The following FHIT variants were observed in gnomAD, a reference collection of about 807,000 sequenced individuals.
The protein encoded by FHIT is bis(5'-adenosyl)-triphosphatase.
Under a neutral mutation model 17.9 loss-of-function variants are expected in FHIT, and 19 were observed. That is an observed-to-expected ratio of 1.06 (90% confidence interval 0.74 to 1.56). The LOEUF (loss-of-function observed/expected upper bound fraction) is 1.56, where lower values mean the gene tolerates loss of function less well. FHIT is among the 40% of genes most tolerant of loss of function. The probability of loss-of-function intolerance (pLI) is 0.00; values close to 1 mark genes in which losing one functional copy is unlikely to be tolerated. For missense variants in FHIT, 248 were observed against 189.2 expected (o/e 1.31, Z -1.82); for synonymous variants, 81 against 69.7 (o/e 1.16, Z -0.81).
intron 2 of FHIT, among the ~76,000 whole-genome samples, chr3:61,121,128 C>A (rs2106922061): frequency 6.6e-6 from 1 of 152,156 alleles, no homozygotes; most frequent in Non-Finnish European, 1.5e-5. Flanking sequence ...ATTGGTGTAC[C>A]TGAAAGTGAC....
chr3:60,979,523 C>T (rs1011546103), intron 3 of FHIT, among the ~76,000 whole-genome samples: 2 of 152,164 alleles, frequency 1.3e-5, no homozygotes, highest in South Asian at 2.1e-4. Context: ...ACATTAGCTG[C>T]CATGTCCTAC....
At position 60,017,334 on chromosome 3, in the gene FHIT, G is replaced by A. The variant is rs1700380692; in HGVS notation, c.104-3182C>T. On this transcript the variant is annotated intron_variant, in intron 5 of 9. Coordinates refer to ENST00000492590, the MANE Select transcript of FHIT (RefSeq NM_002012.4). ...GTGAGTATGCCTTCATCCTAACAGAGAATCGTAAGATCAAAAAGGGGGGAG... is the reference window on the plus strand; with the variant it reads ...GTGAGTATGCCTTCATCCTAACAGAAAATCGTAAGATCAAAAAGGGGGGAG... Among the ~76,000 whole-genome samples, 3 of 152,128 alleles carry A rather than the reference G, an allele frequency of 2.0e-5. No homozygotes were observed. In the South Asian group the frequency reaches 6.2e-4, roughly 31 times the overall value.
intron 7 of FHIT, among the ~76,000 whole-genome samples, chr3:59,942,046 G>T (rs1416919377): frequency 6.6e-6 from 1 of 152,086 alleles, no homozygotes; most frequent in African/African-American, 2.4e-5. Context: ...ATCATCTCAC[G>T]ATCTATAGTA....
intron 8 of FHIT, among the ~76,000 whole-genome samples, chr3:59,791,344 A>C (rs1218643332): frequency 6.6e-6 from 1 of 152,150 alleles, no homozygotes; most frequent in African/African-American, 2.4e-5. Context: ...GGGGAAACCC[A>C]CAATCTTTCT....
chr3:60,427,172 G>A (rs867307016), intron 5 of FHIT, among the ~76,000 whole-genome samples: 1 of 152,104 alleles, frequency 6.6e-6, no homozygotes, highest in South Asian at 2.1e-4. Flanking sequence ...GGCCATGAAG[G>A]AGAAAGCTCT....
intron 5 of FHIT, among the ~76,000 whole-genome samples, chr3:60,034,559 A>G (rs1701136080): frequency 6.6e-6 from 1 of 152,226 alleles, no homozygotes; most frequent in African/African-American, 2.4e-5. Context: ...CTTCGTCAAC[A>G]TGTTTCAGAA....
chr3:61,005,699 T>C (rs2031400191), intron 3 of FHIT, among the ~76,000 whole-genome samples: 1 of 152,028 alleles, frequency 6.6e-6, no homozygotes, highest in Non-Finnish European at 1.5e-5. Flanking sequence ...TGAATTTCGG[T>C]TTCCCTGTGT....
chr3:59,781,292 A>G (rs1320629462), intron 8 of FHIT, among the ~76,000 whole-genome samples: 1 of 152,246 alleles, frequency 6.6e-6, no homozygotes, highest in African/African-American at 2.4e-5. Context: ...TAAGCCAGAA[A>G]GGCTATGGCA....
intron 5 of FHIT, among the ~76,000 whole-genome samples, chr3:60,487,723 T>G (rs2033901113): frequency 6.6e-6 from 1 of 152,310 alleles, no homozygotes; most frequent in Non-Finnish European, 1.5e-5. Flanking sequence ...ATCATCACAT[T>G]TTAATCATAC....
Position 60,086,166 on chromosome 3 carries a change from G to A in FHIT, c.104-72014C>T, listed in dbSNP as rs190425965. Among the ~76,000 whole-genome samples the A allele has an allele frequency of 5.3e-5, 8 of 152,188 alleles. No homozygotes were observed. In the East Asian group the frequency reaches 7.7e-4, roughly 15 times the overall value. On this transcript the variant is annotated intron_variant, in intron 5 of 9. Coordinates refer to ENST00000492590, the MANE Select transcript of FHIT (RefSeq NM_002012.4). ...AGAGAGAGTAAAAGGGTGGGGGGAT[G>A]CCAGGCTCTTTTTAACAACCATCTC...
At chr3:60,740,192 G>C (rs2042213860) in intron 4 of FHIT, among the ~76,000 whole-genome samples, 1 of 152,132 alleles carries the variant, frequency 6.6e-6, no homozygotes, top group South Asian at 2.1e-4. Context: ...CTGGGTGCAG[G>C]GAGTCTCAGA....
At chr3:60,525,833 G>A (rs945172741) in intron 5 of FHIT, among the ~76,000 whole-genome samples, 1 of 152,120 alleles carries the variant, frequency 6.6e-6, no homozygotes, top group African/African-American at 2.4e-5. Context: ...GTGGCCAGGT[G>A]TGGTGGCACA....
intron 5 of FHIT, among the ~76,000 whole-genome samples, chr3:60,521,956 G>C (rs531679991): frequency 1.3e-5 from 2 of 152,220 alleles, no homozygotes; most frequent in East Asian, 3.9e-4. Flanking sequence ...GGTAGGGTCA[G>C]GGAAGGCCTC....
intron 8 of FHIT, among the ~76,000 whole-genome samples, chr3:59,910,896 A>C (rs1229309157): frequency 6.6e-6 from 1 of 152,098 alleles, no homozygotes; most frequent in Non-Finnish European, 1.5e-5. Context: ...AAAAAAAAGA[A>C]GGAAAAAAAA....
chr3:60,325,159 AG>A (rs1202647307), intron 5 of FHIT, among the ~76,000 whole-genome samples: 3 of 152,210 alleles, frequency 2.0e-5, no homozygotes, highest in African/African-American at 7.2e-5. Context: ...TGATTAAAGA[AG>A]AAAAACATAC....
chr3:60,279,770 A>G (rs1403350900), intron 5 of FHIT, among the ~76,000 whole-genome samples: 1 of 152,050 alleles, frequency 6.6e-6, no homozygotes, highest in Non-Finnish European at 1.5e-5. Flanking sequence ...CAAAAACTCA[A>G]CAAACATTCC....
rs377518446 is a variant in FHIT at position 60,839,131 on chromosome 3, C to T, written c.-110-17120G>A. ...GCCTCATCCTCTACTAAGGAGTAAA[C>T]TTTATCCTGTGTACCACGAGGAGCT... On this transcript the variant is annotated intron_variant, in intron 3 of 9. Transcript: ENST00000492590. 1.1e-4 allele frequency among the ~76,000 whole-genome samples: 17 copies of T among 152,238 alleles called. No individual in the cohort carries two copies. The East Asian group carries it at 2.5e-3, about 23-fold the overall frequency.
intron 5 of FHIT, among the ~76,000 whole-genome samples, chr3:60,374,935 G>A (rs929449456): frequency 1.3e-5 from 2 of 151,866 alleles, no homozygotes; most frequent in African/African-American, 4.8e-5. Flanking sequence ...TAAGAAACAG[G>A]CCAAGTTAAT....
intron 8 of FHIT, among the ~76,000 whole-genome samples, chr3:59,805,956 C>A (rs1050160222): frequency 7.9e-5 from 12 of 152,074 alleles, no homozygotes; most frequent in Admixed American, 5.9e-4. Context: ...CCGAGGCGGG[C>A]AGATCACGAG....
Sources: gnomAD v4.1 joint callset for allele counts (sites outside exome capture counted in the v4.1 genomes callset) on GRCh38, gnomAD v4.1.1 for gene constraint, MANE v1.5 for transcripts, NCBI Gene and HGNC (gene_info 2026-07-23, HGNC 2026-07-21) for gene names.